Variants in PLPPR1 observed in about 807,000 individuals in gnomAD.
PLPPR1 encodes the protein phospholipid phosphatase-related protein type 1.
Under a neutral mutation model 33.1 loss-of-function variants are expected in PLPPR1, and 10 were observed. The ratio of observed to expected loss-of-function variants is 0.30; its 90% CI spans 0.19 to 0.51. The LOEUF is 0.51. PLPPR1 is among the 20% of genes least tolerant of loss of function. The pLI, the probability that PLPPR1 is intolerant of heterozygous loss-of-function variation, is 0.97. For synonymous variants in PLPPR1, 151 were observed against 151.0 expected (o/e 1.00, Z 0.00); for missense variants, 304 against 408.1 (o/e 0.74, Z 2.20).
intron 2 of PLPPR1, among the ~76,000 whole-genome samples, chr9:101,267,521 GA>G (rs1431032423): frequency 1.3e-5 from 2 of 152,184 alleles, no homozygotes; most frequent in African/African-American, 2.4e-5. Context: ...GTTGTGATTG[GA>G]GATCCACATC....
intron 7 of PLPPR1, 134 bp downstream of exon 7, chr9:101,317,630 A>G: frequency 2.3e-6 from 2 of 886,950 alleles, no homozygotes; most frequent in Non-Finnish European, 1.7e-6. Flanking sequence ...GGCCCTCACA[A>G]AAGGCAGCCT....
chr9:101,297,766 A>G (rs1325499808), intron 4 of PLPPR1, among the ~76,000 whole-genome samples: 1 of 152,184 alleles, frequency 6.6e-6, no homozygotes, highest in Non-Finnish European at 1.5e-5. Context: ...AACATGTATT[A>G]AGACTCCTCT....
At chr9:101,298,662 A>G (rs1828692163) in intron 4 of PLPPR1, among the ~76,000 whole-genome samples, 1 of 152,166 alleles carries the variant, frequency 6.6e-6, no homozygotes, top group African/African-American at 2.4e-5. Context: ...ACCTTCAATG[A>G]AATAGTCATT....
intron 2 of PLPPR1, among the ~76,000 whole-genome samples, chr9:101,261,928 A>T (rs1459512316): frequency 6.6e-6 from 1 of 152,070 alleles, no homozygotes; most frequent in African/African-American, 2.4e-5. Flanking sequence ...CCCATGACAC[A>T]CATTTACCTA....
At chr9:101,211,234 T>C (rs1826685226) in intron 2 of PLPPR1, among the ~76,000 whole-genome samples, 1 of 152,132 alleles carries the variant, frequency 6.6e-6, no homozygotes, top group Admixed American at 6.5e-5. Context: ...CCAGGAGCTG[T>C]CCTAGTACTA....
At chr9:101,296,565 A>G (rs1487388759) in intron 4 of PLPPR1, among the ~76,000 whole-genome samples, 3 of 152,212 alleles carry the variant, frequency 2.0e-5, no homozygotes, top group African/African-American at 7.2e-5. Context: ...TCCAACAGTG[A>G]TCCACTGGAT....
Position 101,185,406 on chromosome 9 carries a change from C to T in PLPPR1, c.-45-44C>T, listed in dbSNP as rs551723430. 1.1e-4 allele frequency: 76 copies of T among 716,234 alleles called. 1 individual carries two copies. The South Asian group carries it at 1.4e-3, about 13-fold the overall frequency. The allele number at this position is 716,234 out of a possible 1,614,324, so 44.4% of individuals were successfully genotyped here. A position where few individuals can be genotyped will look rare whatever the true frequency, so the allele number is the denominator to read the frequency against. On this transcript the variant is annotated intron_variant, in intron 1 of 7. Transcript: ENST00000374874. ...TTTTATGTAAGTACCTAAGGGACTT[C>T]TCAATATATGGTTCTTATACTATGC...
At chr9:101,041,010 G>A (rs1830071392) in intron 1 of PLPPR1, among the ~76,000 whole-genome samples, 1 of 152,174 alleles carries the variant, frequency 6.6e-6, no homozygotes, top group Non-Finnish European at 1.5e-5. Context: ...CATCTAAAAT[G>A]TGACGTTAGC....
intron 1 of PLPPR1, among the ~76,000 whole-genome samples, chr9:101,177,678 AT>A (rs147716107): frequency 0.14 from 20,764 of 152,112 alleles, 1,645 homozygotes; most frequent in Non-Finnish European, 0.18. Context: ...AAAAAATATT[AT>A]TTTAGTTTTT....
At chr9:101,217,611 A>C (rs989701565) in intron 2 of PLPPR1, among the ~76,000 whole-genome samples, 1 of 152,238 alleles carries the variant, frequency 6.6e-6, no homozygotes, top group Non-Finnish European at 1.5e-5. Flanking sequence ...TGTAGTATGC[A>C]AAAGCAGCCA....
chr9:101,236,011 G>A (rs968040808), intron 2 of PLPPR1, among the ~76,000 whole-genome samples: 2 of 151,856 alleles, frequency 1.3e-5, no homozygotes, highest in African/African-American at 4.8e-5. Context: ...TTTATATTTA[G>A]AGTGGGAGAG....
At chr9:101,316,152 G>A (rs1829046389) in intron 6 of PLPPR1, among the ~76,000 whole-genome samples, 1 of 151,790 alleles carries the variant, frequency 6.6e-6, no homozygotes, top group Admixed American at 6.6e-5. Context: ...CACAGTGTAG[G>A]GTCCTCGGGC....
chr9:101,298,488 G>A (rs889419402), intron 4 of PLPPR1, among the ~76,000 whole-genome samples: 14 of 152,136 alleles, frequency 9.2e-5, no homozygotes, highest in Admixed American at 6.5e-4. Context: ...ACCCTGGGAC[G>A]AGCTTAATGT....
rs144349125 is a variant in PLPPR1, at chr9:101,219,266, C to T, written c.63+33709C>T. 3.2e-4 allele frequency among the ~76,000 whole-genome samples: 48 copies of T among 152,306 alleles called. No homozygotes were observed. The East Asian group carries it at 9.3e-3, about 29-fold the overall frequency. ...AGGTTCGCAGTTGGGTTACTTTAAG[C>T]AATTCTGCCCCAAGTGTAGGAGGTG... On this transcript the variant is annotated intron_variant, in intron 2 of 7. Transcript: ENST00000374874.
In PLPPR1 at chr9:101,264,477, C is replaced by G. The variant is rs543383538; in HGVS notation, c.64-5403C>G. On this transcript the variant is annotated intron_variant, in intron 2 of 7. Transcript: ENST00000374874. ...CCCTCCCAACCAGTTCACCAGGCAC[C>G]TGCAGCCACGCATAACTCCCACTGG... 1.4e-3 allele frequency among the ~76,000 whole-genome samples: 213 copies of G among 152,272 alleles called. 1 individual carries two copies. The highest frequency in any genetic ancestry group is 4.8e-3 in the African/African-American group (198 of 41,552).
At chr9:101,215,240 C>T (rs193103206) in intron 2 of PLPPR1, among the ~76,000 whole-genome samples, 15 of 152,070 alleles carry the variant, frequency 9.9e-5, no homozygotes, top group Non-Finnish European at 2.1e-4. Flanking sequence ...TACCTAGCAA[C>T]GTAGGCAGGC....
chr9:101,055,140 T>C lies in PLPPR1; in HGVS notation c.-46+26038T>C, dbSNP rs533495396. Among the ~76,000 whole-genome samples the C allele has an allele frequency of 4.1e-4, 63 of 152,356 alleles. 1 individual carries two copies. In the South Asian group the frequency reaches 0.013, roughly 31 times the overall value. On this transcript the variant is annotated intron_variant, in intron 1 of 7. Coordinates refer to ENST00000374874, the MANE Select transcript of PLPPR1 (RefSeq NM_207299.2). ...CATTAGGATGGGGCTTTTCACACTTTGAATAAAATTAAGTTCTATTTTCCT... is the reference window on the plus strand; with the variant it reads ...CATTAGGATGGGGCTTTTCACACTTCGAATAAAATTAAGTTCTATTTTCCT...
intron 1 of PLPPR1, among the ~76,000 whole-genome samples, chr9:101,077,255 G>A (rs934045411): frequency 6.6e-6 from 1 of 152,144 alleles, no homozygotes; most frequent in African/African-American, 2.4e-5. Flanking sequence ...GACTAGACAG[G>A]ATTCCTAGGA....
At chr9:101,221,795 T>C (rs935703190) in intron 2 of PLPPR1, among the ~76,000 whole-genome samples, 2 of 152,170 alleles carry the variant, frequency 1.3e-5, no homozygotes, top group Admixed American at 1.3e-4. Context: ...GAAGAATATA[T>C]ATTTACAGAG....
Sources: gnomAD v4.1 joint callset for allele counts (sites outside exome capture counted in the v4.1 genomes callset) on GRCh38, gnomAD v4.1.1 for gene constraint, MANE v1.5 for transcripts, NCBI Gene and HGNC (gene_info 2026-07-23, HGNC 2026-07-21) for gene names.